Variants in ILRUN observed in about 807,000 individuals in gnomAD.
The protein encoded by ILRUN is protein ILRUN.
ILRUN carries 3 observed loss-of-function variants against 33.8 expected under a neutral mutation model. The observed-to-expected ratio is 0.09, with a 90% CI of 0.04 to 0.23. The LOEUF (loss-of-function observed/expected upper bound fraction) is 0.23, where lower values mean the gene tolerates loss of function less well. Among genes scored for constraint, ILRUN ranks in the 10% least tolerant of loss-of-function variants. The pLI, the probability that ILRUN is intolerant of heterozygous loss-of-function variation, is 1.00. For missense variants in ILRUN, 210 were observed against 375.1 expected, an observed-to-expected ratio of 0.56 and a Z score of 3.64; for synonymous variants, 124 against 138.9, an observed-to-expected ratio of 0.89 and a Z score of 0.75.
At chr6:34,641,686 T>C (rs957369457) in intron 3 of ILRUN, among the ~76,000 whole-genome samples, 60 of 152,182 alleles carry the variant, frequency 3.9e-4, no homozygotes, top group African/African-American at 1.4e-3. Flanking sequence ...TTAAAATCCC[T>C]TGAAGGCACT....
intron 3 of ILRUN, among the ~76,000 whole-genome samples, chr6:34,641,765 T>C (rs1762479629): frequency 6.6e-6 from 1 of 152,092 alleles, no homozygotes; most frequent in African/African-American, 2.4e-5. Context: ...TAAGTTAAAA[T>C]TAGGGGTTTA....
intron 1 of ILRUN, among the ~76,000 whole-genome samples, chr6:34,690,665 C>CT (rs1328535998): frequency 2.6e-5 from 4 of 151,838 alleles, no homozygotes; most frequent in Admixed American, 1.3e-4. Context: ...TAGTTGAAAA[C>CT]TTTTAGTAAT....
chr6:34,616,578 A>C, intron 3 of ILRUN: 1 of 1,557,052 alleles, frequency 6.4e-7, no homozygotes, highest in Non-Finnish European at 8.7e-7. Context: ...GCTGTGCCAG[A>C]AACCCTTAAG....
chr6:34,639,791 T>C (rs1038272773), intron 3 of ILRUN, among the ~76,000 whole-genome samples: 2 of 152,238 alleles, frequency 1.3e-5, no homozygotes, highest in Non-Finnish European at 2.9e-5. Flanking sequence ...AAAATTACTT[T>C]TGTTAATTTA....
intron 4 of ILRUN, among the ~76,000 whole-genome samples, chr6:34,597,561 TC>T (rs1761426404): frequency 6.6e-6 from 1 of 152,168 alleles, no homozygotes; most frequent in South Asian, 2.1e-4. Flanking sequence ...AGCCATCATC[TC>T]CCCTGTGTGT....
At chr6:34,675,505 G>C (rs1763210545) in intron 1 of ILRUN, among the ~76,000 whole-genome samples, 1 of 151,942 alleles carries the variant, frequency 6.6e-6, no homozygotes. Flanking sequence ...CAGTCATAAA[G>C]AAAACAGAAG....
At chr6:34,618,863 C>G (rs1364824824) in intron 3 of ILRUN, among the ~76,000 whole-genome samples, 1 of 152,134 alleles carries the variant, frequency 6.6e-6, no homozygotes, top group East Asian at 1.9e-4. Flanking sequence ...CCAAGGGCAT[C>G]AGAAAAGATA....
At chr6:34,654,141 C>A (rs1582082235) in intron 2 of ILRUN, among the ~76,000 whole-genome samples, 2 of 146,550 alleles carry the variant, frequency 1.4e-5, no homozygotes, top group African/African-American at 2.6e-5. Flanking sequence ...AATGAAATTT[C>A]AGAGACAATC....
At chr6:34,654,821 A>G in intron 1 of ILRUN, 42 bp from the exon 2 acceptor site, 2 of 1,551,832 alleles carry the variant, frequency 1.3e-6, no homozygotes, top group South Asian at 1.2e-5. Context: ...AGTACTGTCC[A>G]GATATTATCC....
rs1322206925 is a variant in ILRUN at position 34,589,967 on chromosome 6, C to T, written c.*598G>A. 3.3e-5 allele frequency: 5 copies of T among 152,222 alleles called. No individual in the cohort carries two copies. The highest frequency in any genetic ancestry group is 2.9e-5 in the Non-Finnish European group (2 of 68,090). The allele number at this position is 152,222 out of a possible 1,614,324, so 9.4% of individuals were successfully genotyped here. On this transcript the variant is annotated 3_prime_UTR_variant, in exon 5 of 5. Coordinates refer to ENST00000374023, the MANE Select transcript of ILRUN (RefSeq NM_024294.4). ...GAAAAGAGGAGGAAAAGGGTGATAA[C>T]TCATTGGCTGATGCCATTAAAAACA...
At chr6:34,666,273 T>A (rs1028451947) in intron 1 of ILRUN, among the ~76,000 whole-genome samples, 2 of 152,110 alleles carry the variant, frequency 1.3e-5, no homozygotes, top group Non-Finnish European at 2.9e-5. Context: ...AAAAGCTATA[T>A]ACTTGGCCGG....
chr6:34,598,274 A>G, intron 4 of ILRUN, among the ~76,000 whole-genome samples: 1 of 152,230 alleles, frequency 6.6e-6, no homozygotes, highest in South Asian at 2.1e-4. Flanking sequence ...GCAGGGGAAC[A>G]TCCCAGCTCT....
chr6:34,658,769 C>T (rs1762829218), intron 1 of ILRUN, among the ~76,000 whole-genome samples: 1 of 152,076 alleles, frequency 6.6e-6, no homozygotes, highest in Non-Finnish European at 1.5e-5. Flanking sequence ...GATTGCGCCA[C>T]TGCACTCCAG....
intron 1 of ILRUN, among the ~76,000 whole-genome samples, chr6:34,679,148 GA>G (rs61550299): frequency 0.15 from 20,756 of 136,392 alleles, 1,896 homozygotes; most frequent in Non-Finnish European, 0.22. Flanking sequence ...AAATTGGGAG[GA>G]AAAAAAAAAA....
chr6:34,674,062 C>T (rs186722936), intron 1 of ILRUN, among the ~76,000 whole-genome samples: 1 of 152,246 alleles, frequency 6.6e-6, no homozygotes, highest in East Asian at 1.9e-4. Context: ...GAGTCTTGCT[C>T]TGTCACCCAC....
intron 3 of ILRUN, among the ~76,000 whole-genome samples, chr6:34,640,566 C>G (rs1336106137): frequency 2.4e-4 from 37 of 151,752 alleles, no homozygotes; most frequent in Non-Finnish European, 1.5e-5. Flanking sequence ...AAAAATTAGC[C>G]GGGTGTGGTG....
chr6:34,692,597 T>C (rs1011317613), intron 1 of ILRUN, among the ~76,000 whole-genome samples: 1 of 152,144 alleles, frequency 6.6e-6, no homozygotes, highest in Non-Finnish European at 1.5e-5. Flanking sequence ...TATGTGTATA[T>C]GTATTTACCT....
intron 1 of ILRUN, among the ~76,000 whole-genome samples, chr6:34,687,458 G>A (rs1006551662): frequency 6.6e-6 from 1 of 152,002 alleles, no homozygotes; most frequent in Non-Finnish European, 1.5e-5. Context: ...CACTCTGGGA[G>A]GCCAAAGCAG....
Position 34,646,197 on chromosome 6 carries a change from A to G in ILRUN, c.511+404T>C, listed in dbSNP as rs1466994017. 1.3e-5 allele frequency among the ~76,000 whole-genome samples: 2 copies of G among 152,156 alleles called. No homozygotes were observed. Among genetic ancestry groups the G allele is most frequent in the East Asian group, 3.8e-4 (2 of 5,200 alleles). On this transcript the variant is annotated intron_variant, in intron 3 of 4. Coordinates refer to ENST00000374023, the MANE Select transcript of ILRUN (RefSeq NM_024294.4). The surrounding 1 kb of genome is among the most constrained non-coding windows in gnomAD (Gnocchi z 4.9). ...TTGGCAATAAAGAGAAGGGAGTGAG[A>G]TATGTTAGCAGTTTGACAAGTAGGT...
Sources: allele counts gnomAD v4.1 joint callset (sites outside exome capture counted in the v4.1 genomes callset), GRCh38; gene constraint gnomAD v4.1.1; non-coding constraint Gnocchi (gnomAD v3.1); transcripts MANE v1.5; gene names NCBI Gene and HGNC (gene_info 2026-07-23, HGNC 2026-07-21).